Variants in NLGN1 observed in about 807,000 individuals in gnomAD.
The protein encoded by NLGN1 is neuroligin-1.
In NLGN1, 12 loss-of-function variants were observed where a neutral mutation model predicts 65.5. That is an observed-to-expected ratio of 0.18 (90% CI 0.12 to 0.30). The LOEUF (loss-of-function observed/expected upper bound fraction) is 0.30, where lower values mean the gene tolerates loss of function less well. Among genes scored for constraint, NLGN1 ranks in the 10% least tolerant of loss-of-function variants. The pLI, the probability that NLGN1 is intolerant of heterozygous loss-of-function variation, is 1.00. For missense variants in NLGN1, 750 were observed against 1,007.1 expected (o/e 0.74, Z 3.46); for synonymous variants, 350 against 359.5 (o/e 0.97, Z 0.30).
intron 4 of NLGN1, among the ~76,000 whole-genome samples, chr3:173,864,430 T>G (rs1485666678): frequency 6.6e-6 from 1 of 152,184 alleles, no homozygotes; most frequent in African/African-American, 2.4e-5. Flanking sequence ...TTATTTATCA[T>G]AAGACAATTT....
chr3:173,549,108 A>G (rs186092015), intron 2 of NLGN1, among the ~76,000 whole-genome samples: 54 of 152,166 alleles, frequency 3.5e-4, no homozygotes, highest in African/African-American at 1.1e-3. Context: ...TTTTTAAAGT[A>G]CTGAAGACTA....
chr3:173,819,240 G>GT (rs1719678471), intron 4 of NLGN1, among the ~76,000 whole-genome samples: 1 of 151,998 alleles, frequency 6.6e-6, no homozygotes, highest in African/African-American at 2.4e-5. Context: ...TACCAAGTGG[G>GT]TTTTTGGCTG....
chr3:173,481,123 G>A (rs1727209980), intron 2 of NLGN1, among the ~76,000 whole-genome samples: 1 of 151,964 alleles, frequency 6.6e-6, no homozygotes. Context: ...AGGCAGTTTG[G>A]TTCCAGAATC....
At chr3:173,760,001 C>A (rs1013112847) in intron 3 of NLGN1, among the ~76,000 whole-genome samples, 2 of 151,844 alleles carry the variant, frequency 1.3e-5, no homozygotes, top group South Asian at 2.1e-4. Flanking sequence ...ATTAGACCAT[C>A]CTTTTCAAAC....
At chr3:174,193,681 A>G (rs1732809994) in intron 4 of NLGN1, among the ~76,000 whole-genome samples, 1 of 152,228 alleles carries the variant, frequency 6.6e-6, no homozygotes, top group Non-Finnish European at 1.5e-5. Flanking sequence ...GCAGATGGCC[A>G]TATGGGAAAG....
intron 4 of NLGN1, among the ~76,000 whole-genome samples, chr3:174,086,768 A>T (rs964530851): frequency 6.6e-6 from 1 of 152,114 alleles, no homozygotes; most frequent in Non-Finnish European, 1.5e-5. Context: ...AAAATAAAAT[A>T]ATATGTAACA....
At chr3:173,698,318 A>AT (rs1766549258) in intron 3 of NLGN1, among the ~76,000 whole-genome samples, 1 of 152,212 alleles carries the variant, frequency 6.6e-6, no homozygotes, top group South Asian at 2.1e-4. Context: ...CAAATCGAAG[A>AT]TTTTTTTTAT....
intron 4 of NLGN1, among the ~76,000 whole-genome samples, chr3:173,991,331 C>A (rs1721057423): frequency 6.6e-6 from 1 of 151,984 alleles, no homozygotes; most frequent in Non-Finnish European, 1.5e-5. Flanking sequence ...GACTTTTATA[C>A]CTTTTAGAAA....
At chr3:173,795,703 T>C (rs755532203) in intron 3 of NLGN1, among the ~76,000 whole-genome samples, 3 of 152,120 alleles carry the variant, frequency 2.0e-5, no homozygotes, top group Non-Finnish European at 4.4e-5. Context: ...ATGCATTGAA[T>C]TCTGGCATTG....
At chr3:173,918,907 CTTG>C (rs1741368729) in intron 4 of NLGN1, among the ~76,000 whole-genome samples, 1 of 151,960 alleles carries the variant, frequency 6.6e-6, no homozygotes, top group South Asian at 2.1e-4. Flanking sequence ...AATCTATTTT[CTTG>C]CCTTTTCTAT....
chr3:174,267,839 A>G (rs915491462), intron 4 of NLGN1, among the ~76,000 whole-genome samples: 13 of 152,208 alleles, frequency 8.5e-5, no homozygotes, highest in Non-Finnish European at 1.8e-4. Flanking sequence ...GCAAACATGT[A>G]TATAATGACT....
At chr3:174,041,940 G>A (rs1202622486) in intron 4 of NLGN1, among the ~76,000 whole-genome samples, 1 of 152,108 alleles carries the variant, frequency 6.6e-6, no homozygotes, top group South Asian at 2.1e-4. Context: ...TGTAATTCCA[G>A]CTATTTGGGA....
intron 4 of NLGN1, among the ~76,000 whole-genome samples, chr3:173,858,237 T>C (rs1055947253): frequency 1.3e-5 from 2 of 152,032 alleles, no homozygotes; most frequent in Non-Finnish European, 2.9e-5. Context: ...GGGCAATATT[T>C]TGCTTGATTT....
intron 2 of NLGN1, among the ~76,000 whole-genome samples, chr3:173,524,615 T>A (rs982186782): frequency 2.0e-5 from 3 of 152,196 alleles, no homozygotes; most frequent in Non-Finnish European, 2.9e-5. Context: ...ATAGTAGTGG[T>A]GAGAGTGAAT....
chr3:173,852,291 G>A (rs1322701877), intron 4 of NLGN1, among the ~76,000 whole-genome samples: 2 of 144,622 alleles, frequency 1.4e-5, no homozygotes, highest in African/African-American at 5.1e-5. Flanking sequence ...GGGAGGCGGA[G>A]CTTGCAGTGA....
chr3:173,534,085 A>G (rs1737057639), intron 2 of NLGN1, among the ~76,000 whole-genome samples: 1 of 152,188 alleles, frequency 6.6e-6, no homozygotes, highest in Non-Finnish European at 1.5e-5. Context: ...AAGCTTATTC[A>G]GTCTTATTCC....
At chr3:173,749,916 G>C (rs1776082713) in intron 3 of NLGN1, among the ~76,000 whole-genome samples, 1 of 151,986 alleles carries the variant, frequency 6.6e-6, no homozygotes, top group African/African-American at 2.4e-5. Context: ...AACGTTCCTG[G>C]TAATTATTGG....
intron 4 of NLGN1, among the ~76,000 whole-genome samples, chr3:174,126,009 G>A (rs1718870089): frequency 6.6e-6 from 1 of 152,062 alleles, no homozygotes; most frequent in South Asian, 2.1e-4. Flanking sequence ...AAGTAATATT[G>A]TCATGTTGCA....
intron 4 of NLGN1, among the ~76,000 whole-genome samples, chr3:174,251,488 T>C (rs2152843009): frequency 6.6e-6 from 1 of 152,280 alleles, no homozygotes; most frequent in Non-Finnish European, 1.5e-5. Flanking sequence ...CCCTGTTACA[T>C]GGGCTACCTT....
Sources: allele counts gnomAD v4.1 joint callset (sites outside exome capture counted in the v4.1 genomes callset), GRCh38; gene constraint gnomAD v4.1.1; transcripts MANE v1.5; gene names NCBI Gene and HGNC (gene_info 2026-07-23, HGNC 2026-07-21).